TNS1: variants seen among roughly 807,000 people sequenced by gnomAD.
TNS1 encodes tensin-1.
In TNS1, 62 loss-of-function variants were observed where a neutral mutation model predicts 168.6. The ratio of observed to expected loss-of-function variants is 0.37; its 90% CI spans 0.30 to 0.45. The LOEUF is 0.45. Among genes scored for constraint, TNS1 ranks in the 20% least tolerant of loss-of-function variants. The probability of loss-of-function intolerance (pLI) is 1.00; values close to 1 mark genes in which losing one functional copy is unlikely to be tolerated. For synonymous variants in TNS1, 934 were observed against 933.2 expected (o/e 1.00, Z -0.02); for missense variants, 2,240 against 2,339.4 (o/e 0.96, Z 0.88).
chr2:218,009,478 C>T (rs983682199), intron 1 of TNS1, among the ~76,000 whole-genome samples: 2 of 152,092 alleles, frequency 1.3e-5, no homozygotes, highest in Non-Finnish European at 2.9e-5. Context: ...GACACGCCCA[C>T]CCACAGCACT....
chr2:217,885,867 A>G, intron 14 of TNS1, 48 bp from the exon 15 acceptor site: 2 of 1,599,778 alleles, frequency 1.3e-6, no homozygotes, highest in Non-Finnish European at 1.7e-6. Context: ...TGGAGGGGAG[A>G]TGAGGGAGGG....
intron 3 of TNS1, among the ~76,000 whole-genome samples, chr2:217,925,705 G>A (rs1030909832): frequency 2.0e-5 from 3 of 152,152 alleles, no homozygotes; most frequent in Non-Finnish European, 4.4e-5. Flanking sequence ...GTGGCATTAA[G>A]TACATTCACG....
intron 30 of TNS1, 126 bp downstream of exon 30, chr2:217,809,697 G>A: frequency 1.0e-6 from 1 of 995,358 alleles, no homozygotes. Flanking sequence ...CAAGATAGAT[G>A]GATGAGAAGG....
At chr2:217,900,629 C>G in intron 6 of TNS1, 117 bp from the exon 7 acceptor site, 2 of 1,150,770 alleles carry the variant, frequency 1.7e-6, no homozygotes, top group Non-Finnish European at 2.5e-6. Flanking sequence ...TGCCAACATT[C>G]TGGCCCTGCC....
At chr2:218,014,192 C>G (rs911644502), upstream of TNS1, among the ~76,000 whole-genome samples, 1 of 152,210 alleles carries the variant, frequency 6.6e-6, no homozygotes, top group African/African-American at 2.4e-5. Context: ...TGATCGGAGA[C>G]TCCAGCTCTT....
chr2:218,022,521 C>T (rs760523187), intron 1 of TNS1, among the ~76,000 whole-genome samples: 11 of 152,124 alleles, frequency 7.2e-5, no homozygotes, highest in Non-Finnish European at 7.4e-5. Flanking sequence ...CAGGCACACA[C>T]GGCCTCCTGG....
chr2:218,007,726 C>A (rs1958672628), upstream of TNS1, among the ~76,000 whole-genome samples: 1 of 151,970 alleles, frequency 6.6e-6, no homozygotes, highest in Non-Finnish European at 1.5e-5. Flanking sequence ...CCCCTGATGC[C>A]CCTAGGACCT....
chr2:217,829,915 G>A (rs1000259107), intron 22 of TNS1: 10 of 1,611,950 alleles, frequency 6.2e-6, no homozygotes, highest in African/African-American at 2.7e-5. Flanking sequence ...GTGGGAGGAA[G>A]GAGAGGCAGG....
At chr2:218,005,409 T>G (rs926665363), upstream of TNS1, among the ~76,000 whole-genome samples, 4 of 152,196 alleles carry the variant, frequency 2.6e-5, no homozygotes, top group South Asian at 8.3e-4. Flanking sequence ...AAACCCTCCC[T>G]CCAGAATACC....
chr2:217,898,139 T>C (rs537505874), intron 7 of TNS1, among the ~76,000 whole-genome samples, 170 bp from the exon 8 acceptor site: 1 of 152,330 alleles, frequency 6.6e-6, no homozygotes, highest in Admixed American at 6.5e-5. Flanking sequence ...GCAAGGCCAA[T>C]GTGGCCGGCT....
rs60953913 is a variant in TNS1 at position 217,858,671 on chromosome 2, TAC to T, written c.1430-9586_1430-9585del. On this transcript the variant is annotated intron_variant, in intron 18 of 32. Transcript: ENST00000682258. ...AGCCAGTGCCGCCTGCCTGCCCATG[TAC>T]ACACACACACACACACACACACACA... 4.8e-3 allele frequency: 721 copies of T among 148,994 alleles called. 1 individual carries two copies. Among genetic ancestry groups the T allele is most frequent in the Non-Finnish European group, 6.5e-3 (554 of 85,062 alleles). The allele number at this position is 148,994 out of a possible 1,614,324, so 9.2% of individuals were successfully genotyped here.
At chr2:217,904,522 C>G (rs1161653587) in intron 6 of TNS1, among the ~76,000 whole-genome samples, 10 of 152,198 alleles carry the variant, frequency 6.6e-5, no homozygotes. Flanking sequence ...GTTCTGGTAG[C>G]TGCTCACTTG....
At chr2:217,906,906 C>A (rs1454299758) in intron 5 of TNS1, among the ~76,000 whole-genome samples, 1 of 152,200 alleles carries the variant, frequency 6.6e-6, no homozygotes, top group Non-Finnish European at 1.5e-5. Flanking sequence ...TTGCATTCTG[C>A]ATATTTCATA....
chr2:217,935,850 G>A (rs1056025598), intron 3 of TNS1, among the ~76,000 whole-genome samples: 6 of 152,230 alleles, frequency 3.9e-5, no homozygotes, highest in Non-Finnish European at 8.8e-5. Flanking sequence ...TGGCAGGTCA[G>A]GTAAGTTGTT....
rs1035120170 is a variant in TNS1, at chr2:217,991,620, G to C, written c.34-564C>G. ...CACCATGAATCTGAGGTCCCTTTGG[G>C]TGGCTGCATCCAACACAGCTTCTCC... On this transcript the variant is annotated intron_variant, in intron 1 of 32. Coordinates refer to ENST00000682258, the MANE Select transcript of TNS1 (RefSeq NM_001387777.1). Among the ~76,000 whole-genome samples the C allele has an allele frequency of 8.5e-5, 13 of 152,102 alleles. No homozygotes were observed. The South Asian group carries it at 2.3e-3, about 27-fold the overall frequency.
intron 4 of TNS1, among the ~76,000 whole-genome samples, chr2:217,913,631 A>G (rs1486115951): frequency 2.0e-5 from 3 of 151,996 alleles, no homozygotes; most frequent in African/African-American, 7.3e-5. Context: ...TCCCAGCTCT[A>G]ACACCCTGCT....
intron 3 of TNS1, among the ~76,000 whole-genome samples, chr2:217,973,367 G>GAA (rs58463140): frequency 0.026 from 2,467 of 93,444 alleles, 87 homozygotes; most frequent in South Asian, 0.11. Flanking sequence ...TCCTGTCTCT[G>GAA]AAAAAAAAAA....
At chr2:217,812,271 C>T (rs1048106834) in intron 28 of TNS1, 97 bp downstream of exon 28, 1 of 946,874 alleles carries the variant, frequency 1.1e-6, no homozygotes, top group Non-Finnish European at 1.6e-6. Flanking sequence ...ATGTGTCCTC[C>T]AGCCCTGGCC....
Position 217,821,757 on chromosome 2 carries a change from G to T in TNS1, c.3555C>A (p.Pro1185=). 1 of 1,490,244 alleles carries T rather than the reference G, an allele frequency of 6.7e-7. No individual in the cohort carries two copies. Among genetic ancestry groups the T allele is most frequent in the East Asian group, 2.5e-5 (1 of 39,532 alleles). The allele number at this position is 1,490,244 out of a possible 1,614,324, so 92.3% of individuals were successfully genotyped here. The change falls in exon 23 of 33, where the codon CCC becomes CCA. Residue 1185 remains proline, a synonymous_variant. Transcript: ENST00000682258. ...CGGCTTACCTGTCAGCACTGAGGATGGGGCTGCTGGTGGAGAGGGGGCTGG... is the reference window on the plus strand; with the variant it reads ...CGGCTTACCTGTCAGCACTGAGGATTGGGCTGCTGGTGGAGAGGGGGCTGG... ...VSPSPLSTSS[P]ILSADSTSVG...
Sources: gnomAD v4.1 joint callset for allele counts (sites outside exome capture counted in the v4.1 genomes callset) on GRCh38, gnomAD v4.1.1 for gene constraint, MANE v1.5 for transcripts, NCBI Gene and HGNC (gene_info 2026-07-23, HGNC 2026-07-21) for gene names.